FAM227B: variants seen among roughly 807,000 people sequenced by gnomAD.
FAM227B encodes protein FAM227B.
FAM227B carries 88 observed loss-of-function variants against 73.8 expected under a neutral mutation model. The observed-to-expected ratio is 1.19, with a 90% confidence interval of 1.00 to 1.42. FAM227B has a LOEUF of 1.42. Among genes scored for constraint, FAM227B ranks in the 40% most tolerant of loss-of-function variants. The pLI, the probability that FAM227B is intolerant of heterozygous loss-of-function variation, is 0.00. For missense variants in FAM227B, 632 were observed against 590.9 expected (o/e 1.07, Z -0.72); for synonymous variants, 210 against 190.5 (o/e 1.10, Z -0.84).
chr15:49,574,381 G>A (rs1391036140), intron 8 of FAM227B, among the ~76,000 whole-genome samples: 5 of 152,142 alleles, frequency 3.3e-5, no homozygotes, highest in Non-Finnish European at 7.4e-5. Context: ...GGAGGGAGGT[G>A]ACTGAATCAT....
At chr15:49,361,693 G>A (rs2044267451) in intron 13 of FAM227B, among the ~76,000 whole-genome samples, 1 of 152,126 alleles carries the variant, frequency 6.6e-6, no homozygotes, top group African/African-American at 2.4e-5. Flanking sequence ...TGTGAATAGT[G>A]TTGCAATGAG....
chr15:49,456,139 TTTGA>T (rs1392486666), intron 11 of FAM227B, among the ~76,000 whole-genome samples: 2 of 152,170 alleles, frequency 1.3e-5, no homozygotes, highest in Non-Finnish European at 2.9e-5. Flanking sequence ...GTTAAACACA[TTTGA>T]TTGAGATTTT....
intron 11 of FAM227B, among the ~76,000 whole-genome samples, chr15:49,470,358 T>C (rs2054633399): frequency 6.6e-6 from 1 of 152,194 alleles, no homozygotes; most frequent in African/African-American, 2.4e-5. Context: ...CAAATTTCTT[T>C]TTTATTACCA....
Position 49,328,603 on chromosome 15 carries a change from TTGATGATGGTGA to T in FAM227B, c.1480_1491del (p.Ser494_Ser497del), listed in dbSNP as rs779480779. ...TCTTCCTCAAAGTTGTAGTTGTCTG[TTGATGATGGTGA>T]TGATGATGATGATGACGATAGTGAT... On this transcript the variant is annotated inframe_deletion, in exon 16 of 16. Transcript: ENST00000299338. 6.3e-7 allele frequency: 1 copy of T among 1,594,720 alleles called. No individual in the cohort carries two copies. Among genetic ancestry groups the T allele is most frequent in the Non-Finnish European group, 8.6e-7 (1 of 1,167,428 alleles).
At chr15:49,528,595 C>T (rs1456127779) in intron 10 of FAM227B, among the ~76,000 whole-genome samples, 2 of 151,600 alleles carry the variant, frequency 1.3e-5, no homozygotes, top group Non-Finnish European at 3.0e-5. Flanking sequence ...GCAAATTGTG[C>T]CTCTGACAAA....
intron 9 of FAM227B, among the ~76,000 whole-genome samples, chr15:49,558,119 GCCTAA>G (rs1405026942): frequency 6.5e-5 from 8 of 123,360 alleles, no homozygotes; most frequent in East Asian, 2.5e-4. Flanking sequence ...GGCTCCTAAT[GCCTAA>G]TGCCCCAACT....
At chr15:49,341,831 T>G (rs1032991224) in intron 13 of FAM227B, among the ~76,000 whole-genome samples, 4 of 152,318 alleles carry the variant, frequency 2.6e-5, no homozygotes, top group African/African-American at 9.6e-5. Flanking sequence ...TTTGTTTGAT[T>G]TTCATTCAAT....
intron 13 of FAM227B, among the ~76,000 whole-genome samples, chr15:49,364,220 TC>T (rs1053137500): frequency 2.0e-5 from 3 of 152,174 alleles, no homozygotes; most frequent in African/African-American, 7.2e-5. Context: ...CTGGTGGAAT[TC>T]AGCTGTGAAT....
At chr15:49,493,244 C>A (rs1191781507) in intron 11 of FAM227B, among the ~76,000 whole-genome samples, 3 of 151,920 alleles carry the variant, frequency 2.0e-5, no homozygotes, top group Non-Finnish European at 2.9e-5. Context: ...TAAACTATGT[C>A]AATTACCAAT....
chr15:49,401,343 A>G (rs1053238614), intron 11 of FAM227B, among the ~76,000 whole-genome samples: 1 of 152,258 alleles, frequency 6.6e-6, no homozygotes, highest in African/African-American at 2.4e-5. Flanking sequence ...TTAAAAAGTC[A>G]GGAAACAACA....
intron 11 of FAM227B, among the ~76,000 whole-genome samples, chr15:49,375,504 A>AT (rs35474058): frequency 0.42 from 63,066 of 151,062 alleles, 13,253 homozygotes; most frequent in African/African-American, 0.45. Context: ...AAGCATTTCT[A>AT]TTTTTTTTTA....
intron 13 of FAM227B, among the ~76,000 whole-genome samples, chr15:49,354,488 C>T (rs985113766): frequency 4.2e-4 from 64 of 152,212 alleles, no homozygotes; most frequent in African/African-American, 1.3e-3. Context: ...GGGTGACGGA[C>T]GGCACCTGGA....
At chr15:49,580,890 A>T (rs2075767691) in intron 5 of FAM227B, among the ~76,000 whole-genome samples, 1 of 152,196 alleles carries the variant, frequency 6.6e-6, no homozygotes, top group South Asian at 2.1e-4. Context: ...TGAATCTCAG[A>T]CCTCAAAGAT....
In FAM227B at chr15:49,476,769, G is replaced by A. The variant is rs994636821; in HGVS notation, c.1012+31442C>T. On this transcript the variant is annotated intron_variant, in intron 11 of 15. Transcript: ENST00000299338. ...CACTTTTAGATTTACAAAAAAAATT[G>A]AGCAGATAGGCCAGGCGTGGTGGCT... 2.0e-5 allele frequency among the ~76,000 whole-genome samples: 3 copies of A among 152,068 alleles called. 1 individual carries two copies. The highest frequency in any genetic ancestry group is 7.2e-5 in the African/African-American group (3 of 41,406).
chr15:49,604,845 T>A (rs571656971), intron 3 of FAM227B, among the ~76,000 whole-genome samples: 3 of 152,084 alleles, frequency 2.0e-5, no homozygotes, highest in South Asian at 2.1e-4. Context: ...TTCTATGGAA[T>A]TTTTTGGTTT....
chr15:49,543,956 G>A (rs1366733499), intron 9 of FAM227B, among the ~76,000 whole-genome samples: 1 of 152,050 alleles, frequency 6.6e-6, no homozygotes. Context: ...TGTTCTTTTT[G>A]TTTAGTCTTA....
At chr15:49,484,174 A>T in intron 11 of FAM227B, 1 of 594,572 alleles carries the variant, frequency 1.7e-6, no homozygotes, top group Non-Finnish European at 2.9e-6. Flanking sequence ...AAACCACATT[A>T]GGCCTGCTCA....
At chr15:49,535,875 A>G (rs181469988) in intron 10 of FAM227B, among the ~76,000 whole-genome samples, 1 of 151,942 alleles carries the variant, frequency 6.6e-6, no homozygotes, top group East Asian at 1.9e-4. Flanking sequence ...CTTTTGATAA[A>G]AACTCTCAAC....
intron 13 of FAM227B, among the ~76,000 whole-genome samples, chr15:49,348,460 A>G (rs1242130213): frequency 6.6e-6 from 1 of 152,222 alleles, no homozygotes; most frequent in Admixed American, 6.5e-5. Context: ...ATGTGAGGCA[A>G]CCACCAAAAG....
Sources: gnomAD v4.1 joint callset for allele counts (sites outside exome capture counted in the v4.1 genomes callset) on GRCh38, gnomAD v4.1.1 for gene constraint, MANE v1.5 for transcripts, NCBI Gene and HGNC (gene_info 2026-07-23, HGNC 2026-07-21) for gene names.